LLGL2: variants seen among roughly 807,000 people sequenced by gnomAD.
LLGL2 encodes the protein LLGL2, scribble cell polarity complex component.
Under a neutral mutation model 123.2 loss-of-function variants are expected in LLGL2, and 81 were observed. The ratio of observed to expected loss-of-function variants is 0.66; its 90% CI spans 0.55 to 0.79. The LOEUF (loss-of-function observed/expected upper bound fraction) is 0.79, where lower values mean the gene tolerates loss of function less well. Among genes scored for constraint, LLGL2 ranks in the 30% least tolerant of loss-of-function variants. The probability of loss-of-function intolerance (pLI) is 0.00; values close to 1 mark genes in which losing one functional copy is unlikely to be tolerated. For synonymous variants in LLGL2, 577 were observed against 594.1 expected (o/e 0.97, Z 0.42); for missense variants, 1,273 against 1,414.6 (o/e 0.90, Z 1.61).
At chr17:75,560,491 T>A (rs930419324) in intron 6 of LLGL2, among the ~76,000 whole-genome samples, 21 of 151,912 alleles carry the variant, frequency 1.4e-4, no homozygotes, top group Non-Finnish European at 1.5e-4. Flanking sequence ...ATATTATATT[T>A]TATTTCATTT....
At position 75,570,017 on chromosome 17, in the gene LLGL2, G is replaced by A; in HGVS notation, c.1636G>A (p.Glu546Lys). The A allele has an allele frequency of 2.5e-6, 4 of 1,611,854 alleles. No individual in the cohort carries two copies. Among genetic ancestry groups the A allele is most frequent in the Non-Finnish European group, 3.4e-6 (4 of 1,179,292 alleles). ...EAAEQAVEQVEADLLQDQEGY... is the reference protein window; with the variant it reads ...EAAEQAVEQVKADLLQDQEGY... ...AGCGGAGCAGGCTGTGGAGCAGGTG[G>A]AGGCCGACCTGCTGCAGGACCAAGA... is the stretch of plus-strand genomic sequence containing the variant. The change falls in exon 15 of 26, where the codon GAG becomes AAG. Residue 546 changes from glutamate to lysine, a missense_variant. Physicochemically the swap from Glu to Lys is moderately conservative, Grantham distance 56. Coordinates refer to ENST00000392550, the MANE Select transcript of LLGL2 (RefSeq NM_001031803.2).
rs2055373387 is a variant in LLGL2, at chr17:75,564,770, G to A, written c.1036+263G>A. 2.4e-6 allele frequency: 1 copy of A among 422,280 alleles called. No individual in the cohort carries two copies. Among genetic ancestry groups the A allele is most frequent in the Non-Finnish European group, 4.1e-6 (1 of 243,556 alleles). The allele number at this position is 422,280 out of a possible 1,614,324, so 26.2% of individuals were successfully genotyped here. A position where few individuals can be genotyped will look rare whatever the true frequency, so the allele number is the denominator to read the frequency against. ...TCCTAGCTACTCAGGAGGCTGAGGT[G>A]GGAGGATCACTTGAGCCTGGGAGGT... On this transcript the variant is annotated intron_variant, in intron 10 of 25. Transcript: ENST00000392550. The surrounding 1 kb of genome is among the most constrained non-coding windows in gnomAD (Gnocchi z 4.9).
At chr17:75,537,455 G>A (rs535013577) in intron 1 of LLGL2, among the ~76,000 whole-genome samples, 1 of 152,076 alleles carries the variant, frequency 6.6e-6, no homozygotes, top group East Asian at 1.9e-4. Flanking sequence ...GCACTTTGTG[G>A]GGCCGAGGTG....
chr17:75,527,001 C>G (rs1208909412), intron 1 of LLGL2, among the ~76,000 whole-genome samples: 1 of 151,796 alleles, frequency 6.6e-6, no homozygotes, highest in Non-Finnish European at 1.5e-5. Flanking sequence ...GACCTCGTCT[C>G]TGCAAATAAT....
intron 2 of LLGL2, among the ~76,000 whole-genome samples, chr17:75,551,143 AG>A (rs1455344115): frequency 6.6e-6 from 1 of 152,176 alleles, no homozygotes; most frequent in African/African-American, 2.4e-5. Flanking sequence ...GTCGCTGTGA[AG>A]GTCACTGCCC....
chr17:75,552,279 A>G (rs1313690065), intron 2 of LLGL2, among the ~76,000 whole-genome samples: 2 of 151,898 alleles, frequency 1.3e-5, no homozygotes. Flanking sequence ...ACTTGAGGCC[A>G]GGAGTTTGAG....
In LLGL2 at chr17:75,559,155, C is replaced by A. The variant is rs564948094; in HGVS notation, c.372-97C>A. 1.6e-6 allele frequency: 2 copies of A among 1,268,912 alleles called. No individual in the cohort carries two copies. The highest frequency in any genetic ancestry group is 5.6e-5 in the Admixed American group (2 of 35,784). 78.6% of individuals were successfully genotyped at this position (1,268,912 alleles called of 1,614,324 possible). Reference sequence around the variant, plus strand: ...GAAATGTTATGACCTCATTAAAGGGCCTTATGGGCTTGTTTTCCGAGGAGT... The same window carrying A: ...GAAATGTTATGACCTCATTAAAGGGACTTATGGGCTTGTTTTCCGAGGAGT... On this transcript the variant is annotated intron_variant, in intron 5 of 25. Coordinates refer to ENST00000392550, the MANE Select transcript of LLGL2 (RefSeq NM_001031803.2). This position sits in a 1 kb window ranked among gnomAD's most constrained non-coding sequence, Gnocchi z 4.6.
At position 75,549,566 on chromosome 17, in the gene LLGL2, A is replaced by C. The variant is rs2054575338; in HGVS notation, c.75+6065A>C. On this transcript the variant is annotated intron_variant, in intron 2 of 25. Coordinates refer to ENST00000392550, the MANE Select transcript of LLGL2 (RefSeq NM_001031803.2). The surrounding 1 kb of genome is among the most constrained non-coding windows in gnomAD (Gnocchi z 4.0). ...TTCGAATGGCTGGGCCCCTGGTGTCAGGTGACAGCAGCCACACAGGGAGGG... is the reference window on the plus strand; with the variant it reads ...TTCGAATGGCTGGGCCCCTGGTGTCCGGTGACAGCAGCCACACAGGGAGGG... Among the ~76,000 whole-genome samples, 3 of 152,164 alleles carry C rather than the reference A, an allele frequency of 2.0e-5. No homozygotes were observed. Among genetic ancestry groups the C allele is most frequent in the Admixed American group, 2.0e-4 (3 of 15,282 alleles).
In LLGL2 at chr17:75,568,477, C is replaced by T. The variant is rs1219160229; in HGVS notation, c.1038C>T (p.Thr346=). The T allele has an allele frequency of 6.2e-7, 1 of 1,612,388 alleles. No homozygotes were observed. Residue 346 remains threonine, a splice_region_variant and synonymous_variant, in exon 11 of 26, where the codon ACC becomes ACT. Transcript: ENST00000392550. ...TVLTEADPAA[T]FDDPYALVVL... is the part of the protein sequence containing the mutation. Reference sequence around the variant, plus strand: ...CCTGACCCTTGCCCTGTACCCCAGCCTTTGACGACCCCTATGCCCTGGTGG... The same window carrying T: ...CCTGACCCTTGCCCTGTACCCCAGCTTTTGACGACCCCTATGCCCTGGTGG...
chr17:75,570,291 G>A (rs766474578), intron 15 of LLGL2, 36 bp downstream of exon 15: 2 of 1,598,702 alleles, frequency 1.3e-6, no homozygotes, highest in East Asian at 4.5e-5. Flanking sequence ...GGCTGGGAGT[G>A]GGGCCCGCGA....
chr17:75,557,794 T>C (rs569334831), intron 3 of LLGL2: 4 of 362,458 alleles, frequency 1.1e-5, no homozygotes, highest in African/African-American at 2.1e-5. Context: ...ATAGGCCCCC[T>C]GGGGTGCCGT....
chr17:75,554,297 C>T (rs1396163312), intron 2 of LLGL2, among the ~76,000 whole-genome samples: 1 of 58,968 alleles, frequency 1.7e-5, no homozygotes, highest in Non-Finnish European at 3.9e-5. Context: ...AGCAAAACTC[C>T]GTCTCAAAAA....
At position 75,573,294 on chromosome 17, in the gene LLGL2, TG is replaced by T; in HGVS notation, c.2725+19del. ...TATGGCCAAGGTGTTTGAGCCGGGC[TG>T]GGTGGGTGTCGGGGCCCCGGGCACT... On this transcript the variant is annotated intron_variant, in intron 20 of 25. Transcript: ENST00000392550. 2 of 1,585,208 alleles carry T rather than the reference TG, an allele frequency of 1.3e-6. No individual in the cohort carries two copies. The highest frequency in any genetic ancestry group is 1.7e-6 in the Non-Finnish European group (2 of 1,161,186).
chr17:75,543,296 A>G (rs1568029072), intron 1 of LLGL2, 101 bp from the exon 2 acceptor site: 5 of 745,334 alleles, frequency 6.7e-6, no homozygotes, highest in Non-Finnish European at 1.1e-5. Flanking sequence ...GTGGCAGCCT[A>G]CTGGACTTGG....
chr17:75,570,618 T>A, intron 16 of LLGL2, 120 bp downstream of exon 16: 1 of 1,277,972 alleles, frequency 7.8e-7, no homozygotes, highest in East Asian at 2.5e-5. Context: ...AGATTCAGGG[T>A]CCAGGTCGCA....
chr17:75,573,107 G>C lies in LLGL2; in HGVS notation c.2554G>C (p.Gly852Arg). Residue 852 changes from glycine (G) to arginine (R), a missense_variant, in exon 20 of 26, where the codon GGC becomes CGC. Physicochemically the swap from Gly to Arg is moderately radical, Grantham distance 125 (BLOSUM62 -2). Transcript: ENST00000392550. ...RVRRVSVAHFGSRRAEDYGEH... is the reference protein window; with the variant it reads ...RVRRVSVAHFRSRRAEDYGEH... ...GCGGCGGGTCAGCGTGGCCCACTTC[G>C]GCAGTCGTCGAGCCGAGGACTACGG... 3.7e-6 allele frequency: 6 copies of C among 1,612,856 alleles called. No individual in the cohort carries two copies. Among genetic ancestry groups the C allele is most frequent in the Non-Finnish European group, 5.1e-6 (6 of 1,179,962 alleles).
Position 75,574,953 on chromosome 17 carries a change from G to A in LLGL2, c.*75G>A, listed in dbSNP as rs375063107. The A allele has an allele frequency of 4.4e-6, 7 of 1,608,598 alleles. No individual in the cohort carries two copies. Among genetic ancestry groups the A allele is most frequent in the Non-Finnish European group, 6.0e-6 (7 of 1,175,818 alleles). On this transcript the variant is annotated 3_prime_UTR_variant, in exon 26 of 26. Transcript: ENST00000392550. Reference sequence around the variant, plus strand: ...CTTTCGGGGGTCCCTGCCCCAACCGGAGAGGCCGGTGCACAGGGCCCCGCC... The same window carrying A: ...CTTTCGGGGGTCCCTGCCCCAACCGAAGAGGCCGGTGCACAGGGCCCCGCC...
In LLGL2 at chr17:75,570,187, C is replaced by T. The variant is rs750507402; in HGVS notation, c.1806C>T (p.Leu602=). 30 of 1,586,940 alleles carry T rather than the reference C, an allele frequency of 1.9e-5. No homozygotes were observed. The South Asian group carries it at 2.6e-4, about 14-fold the overall frequency. Residue 602 remains leucine, a synonymous_variant, in exon 15 of 26, where the codon CTC becomes CTT. Coordinates refer to ENST00000392550, the MANE Select transcript of LLGL2 (RefSeq NM_001031803.2). ...TSLALHSEWR[L]VAFGTSHGFG... ...TGGCCCTGCACTCTGAGTGGCGGCT[C>T]GTGGCCTTCGGCACCAGCCATGGCT...
At chr17:75,525,462 T>C (rs1184971882), upstream of LLGL2, among the ~76,000 whole-genome samples, 1 of 151,650 alleles carries the variant, frequency 6.6e-6, no homozygotes, top group Non-Finnish European at 1.5e-5. This position sits in a 1 kb window ranked among gnomAD's most constrained non-coding sequence, Gnocchi z 4.8. Context: ...CGGCGCGCCG[T>C]TCTGCGTCCA....
Sources: allele counts gnomAD v4.1 joint callset (sites outside exome capture counted in the v4.1 genomes callset), GRCh38; gene constraint gnomAD v4.1.1; non-coding constraint Gnocchi (gnomAD v3.1); transcripts MANE v1.5; gene names NCBI Gene and HGNC (gene_info 2026-07-23, HGNC 2026-07-21).